Variants in DMBT1 observed in about 807,000 individuals in gnomAD.
The protein encoded by DMBT1 is deleted in malignant brain tumors 1.
Under a neutral mutation model 252.9 loss-of-function variants are expected in DMBT1, and 198 were observed. The ratio of observed to expected loss-of-function variants is 0.78; its 90% confidence interval spans 0.70 to 0.88. DMBT1 has a LOEUF of 0.88. Among genes scored for constraint, DMBT1 ranks in the 40% least tolerant of loss-of-function variants. DMBT1 has a pLI of 0.00. For missense variants in DMBT1, 2,432 were observed against 2,404.7 expected, an observed-to-expected ratio of 1.01 and a Z score of -0.24; for synonymous variants, 990 against 942.7, an observed-to-expected ratio of 1.05 and a Z score of -0.92.
At position 122,620,215 on chromosome 10, in the gene DMBT1, A is replaced by G. The variant is rs758350825; in HGVS notation, c.5246-38A>G. 2.1e-5 allele frequency: 33 copies of G among 1,609,700 alleles called. No individual in the cohort carries two copies. In the East Asian group the frequency reaches 4.9e-4, roughly 24 times the overall value. On this transcript the variant is annotated intron_variant, in intron 42 of 55. Transcript: ENST00000338354. ...TTTTTTTTGTAGCTTTCCTCCCTCA[A>G]GTCTAATTTTGTCCTTTCTCTTTGT...
intron 52 of DMBT1, among the ~76,000 whole-genome samples, chr10:122,635,237 A>T (rs551127460): frequency 6.6e-6 from 1 of 152,234 alleles, no homozygotes; most frequent in Non-Finnish European, 1.5e-5. Context: ...GCCTTTGTAA[A>T]TAGGAAAAGC....
intron 6 of DMBT1, among the ~76,000 whole-genome samples, chr10:122,575,025 T>C (rs1172938394): frequency 1.3e-5 from 2 of 152,198 alleles, no homozygotes; most frequent in East Asian, 3.9e-4. Flanking sequence ...CAGCACTCAG[T>C]CAGCTCCTGT....
rs2097788159 is a variant in DMBT1 at position 122,586,227 on chromosome 10, G to A, written c.1627G>A (p.Ala543Thr). ...RQLGCGWAML[A>T]PGNARFGQGS... ...GCTGGGCTGTGGCTGGGCCATGTTG[G>A]CCCCAGGAAATGCCCGGTTTGGTCA... Residue 543 changes from alanine to threonine, a missense_variant, in exon 16 of 56, where the codon GCC becomes ACC. This residue lies in a region of DMBT1 where 1,264 missense variants were observed against 1,082.2 expected (regional missense o/e 1.17). Coordinates refer to ENST00000338354, the MANE Select transcript of DMBT1 (RefSeq NM_001377530.1). 1 of 1,588,812 alleles carries A rather than the reference G, an allele frequency of 6.3e-7. No homozygotes were observed. The highest frequency in any genetic ancestry group is 1.3e-5 in the African/African-American group (1 of 74,510).
Position 122,643,565 on chromosome 10 carries a change from T to A in DMBT1, c.*167T>A. On this transcript the variant is annotated 3_prime_UTR_variant, in exon 56 of 56. Transcript: ENST00000338354. Reference sequence around the variant, plus strand: ...TGGTTCCCGCCTCCCCCAAGGCTCATGGTCCTTGGAGGACCCGTTGCAGGG... The same window carrying A: ...TGGTTCCCGCCTCCCCCAAGGCTCAAGGTCCTTGGAGGACCCGTTGCAGGG... 1 of 1,039,482 alleles carries A rather than the reference T, an allele frequency of 9.6e-7. No individual in the cohort carries two copies. 64.4% of individuals were successfully genotyped at this position (1,039,482 alleles called of 1,614,324 possible).
intron 43 of DMBT1, 80 bp downstream of exon 43, chr10:122,620,371 G>T: frequency 6.6e-7 from 1 of 1,519,280 alleles, no homozygotes; most frequent in South Asian, 1.2e-5. Context: ...AAAGAATGAG[G>T]CTCAAGCTGG....
rs181342162 is a variant in DMBT1, at chr10:122,592,065, A to G, written c.2177-207A>G. Among the ~76,000 whole-genome samples the G allele has an allele frequency of 1.4e-3, 209 of 148,562 alleles. 22 individuals are homozygous for G. Among genetic ancestry groups the G allele is most frequent in the Non-Finnish European group, 2.5e-3 (165 of 66,692 alleles). ...CACTGGGGTCACAGGCGCTTTCCCA[A>G]AATCTGAGCCTCCATAAACCCAGGC... is the stretch of plus-strand genomic sequence containing the variant. On this transcript the variant is annotated intron_variant, in intron 19 of 55. Transcript: ENST00000338354.
rs371698033 is a variant in DMBT1 at position 122,572,308 on chromosome 10, C to A, written c.188-6C>A. 29 of 1,613,190 alleles carry A rather than the reference C, an allele frequency of 1.8e-5. No individual in the cohort carries two copies. The highest frequency in any genetic ancestry group is 2.3e-5 in the Non-Finnish European group (27 of 1,179,414). On this transcript the variant is annotated splice_polypyrimidine_tract_variant and splice_region_variant and intron_variant, in intron 4 of 55. Transcript: ENST00000338354. ...TCAATGAGCTCTTCCTTTCTCCACC[C>A]TGCAGGTTCTCCGATTTCCTTGGAG...
intron 16 of DMBT1, among the ~76,000 whole-genome samples, chr10:122,586,619 G>A (rs1168157609): frequency 6.7e-6 from 1 of 148,494 alleles, no homozygotes; most frequent in African/African-American, 2.4e-5. Flanking sequence ...CCCCTACTGA[G>A]GCAGCGCAAG....
rs150483345 is a variant in DMBT1, at chr10:122,564,852, A to G, written c.62-1115A>G. Among the ~76,000 whole-genome samples the G allele has an allele frequency of 2.4e-3, 358 of 152,292 alleles. 1 individual carries two copies. Among genetic ancestry groups the G allele is most frequent in the African/African-American group, 8.3e-3 (343 of 41,570 alleles). Reference sequence around the variant, plus strand: ...TTGTACAATCAATTCTACCATTATTAGTATCTGGAGTGCTATATCTTGTCT... The same window carrying G: ...TTGTACAATCAATTCTACCATTATTGGTATCTGGAGTGCTATATCTTGTCT... On this transcript the variant is annotated intron_variant, in intron 1 of 55. Coordinates refer to ENST00000338354, the MANE Select transcript of DMBT1 (RefSeq NM_001377530.1).
rs976953669 is a variant in DMBT1 at position 122,579,861 on chromosome 10, C to T, written c.963C>T (p.His321=). 1.2e-6 allele frequency: 2 copies of T among 1,613,840 alleles called. No individual in the cohort carries two copies. Among genetic ancestry groups the T allele is most frequent in the East Asian group, 2.2e-5 (1 of 44,874 alleles). ...WSCPHNGWLT[H]NCGHSEDAGV... is the part of the protein sequence containing the mutation. ...GCCCCCACAATGGCTGGCTCACCCA[C>T]AACTGTGGCCATAGTGAAGACGCTG... The change falls in exon 10 of 56, where the codon CAC becomes CAT. Residue 321 remains histidine (H), a synonymous_variant. Transcript: ENST00000338354.
intron 55 of DMBT1, 61 bp from the exon 56 acceptor site, chr10:122,643,061 C>T: frequency 6.3e-7 from 1 of 1,580,308 alleles, no homozygotes. Context: ...CCTGGTACAA[C>T]TGAGTCATGA....
chr10:122,570,118 A>C (rs953206550), intron 2 of DMBT1, 44 bp from the exon 3 acceptor site: 1 of 1,542,658 alleles, frequency 6.5e-7, no homozygotes, highest in Non-Finnish European at 9.0e-7. Context: ...GCCCTCCCCA[A>C]GCAAGGGCTA....
chr10:122,634,833 C>T (rs556019678), intron 52 of DMBT1, among the ~76,000 whole-genome samples: 7 of 152,216 alleles, frequency 4.6e-5, no homozygotes, highest in Non-Finnish European at 7.3e-5. Context: ...TCCAAGGAGG[C>T]GGGTGGCCCA....
At chr10:122,635,181 G>T (rs921547048) in intron 52 of DMBT1, among the ~76,000 whole-genome samples, 2 of 152,176 alleles carry the variant, frequency 1.3e-5, no homozygotes, top group African/African-American at 4.8e-5. Flanking sequence ...TGTTTTATTT[G>T]AGCTTCACCA....
At chr10:122,629,168 G>C (rs1395089258) in intron 46 of DMBT1, among the ~76,000 whole-genome samples, 1 of 152,134 alleles carries the variant, frequency 6.6e-6, no homozygotes, top group Non-Finnish European at 1.5e-5. Context: ...TATAGACATA[G>C]AAACCTATCT....
At chr10:122,631,983 G>A (rs1418432549) in intron 50 of DMBT1, 108 bp downstream of exon 50, 99 of 1,288,678 alleles carry the variant, frequency 7.7e-5, no homozygotes, top group Non-Finnish European at 1.0e-4. Context: ...GTTCATCTGT[G>A]GTACCATCCT....
Position 122,631,307 on chromosome 10 carries a change from C to T in DMBT1, c.6346+26C>T, listed in dbSNP as rs770288963. On this transcript the variant is annotated intron_variant, in intron 49 of 55. Coordinates refer to ENST00000338354, the MANE Select transcript of DMBT1 (RefSeq NM_001377530.1). Reference sequence around the variant, plus strand: ...GTATGGCCCAATGCCATGGAAGGCCCATTTCACCTGTAACTTGCTATAAAG... The same window carrying T: ...GTATGGCCCAATGCCATGGAAGGCCTATTTCACCTGTAACTTGCTATAAAG... 5.6e-6 allele frequency: 9 copies of T among 1,604,836 alleles called. No homozygotes were observed. The East Asian group carries it at 2.0e-4, about 36-fold the overall frequency.
rs1342803832 is a variant in DMBT1 at position 122,637,135 on chromosome 10, C to G, written c.6765C>G (p.Leu2255=). 3 of 1,613,656 alleles carry G rather than the reference C, an allele frequency of 1.9e-6. No individual in the cohort carries two copies. The highest frequency in any genetic ancestry group is 1.7e-5 in the Admixed American group (1 of 60,008). ...TCTGTCCTTGTCTATCAGACCTGCTCTGTCTGCCAAATCACATGCAAGCCA... is the reference window on the plus strand; with the variant it reads ...TCTGTCCTTGTCTATCAGACCTGCTGTGTCTGCCAAATCACATGCAAGCCA... ...SSPSNDSTNL[L]CLPNHMQASV... is the part of the protein sequence containing the mutation. Residue 2255 remains leucine (L), a synonymous_variant, in exon 54 of 56, where the codon CTC becomes CTG. Transcript: ENST00000338354.
Position 122,631,098 on chromosome 10 carries a change from C to A in DMBT1, c.6163C>A (p.Gln2055Lys). The change falls in exon 49 of 56, where the codon CAG (glutamine) becomes AAG (lysine). Residue 2055 changes from glutamine (Q) to lysine (K), a missense_variant. Around this residue, in one of 3 missense-constraint regions of DMBT1, gnomAD observed 1,162 missense variants for 1,169.0 expected, o/e 0.99. Transcript: ENST00000338354. ...TCAGGAAGCTGAGGTGGTCTGCAGACAGCTAGGGTGTGGACGTGCAGTTTC... is the reference window on the plus strand; with the variant it reads ...TCAGGAAGCTGAGGTGGTCTGCAGAAAGCTAGGGTGTGGACGTGCAGTTTC... ...TIQEAEVVCR[Q>K]LGCGRAVSAL... 10 of 1,613,986 alleles carry A rather than the reference C, an allele frequency of 6.2e-6. No individual in the cohort carries two copies. The highest frequency in any genetic ancestry group is 8.5e-6 in the Non-Finnish European group (10 of 1,179,898).
Sources: allele counts gnomAD v4.1 joint callset (sites outside exome capture counted in the v4.1 genomes callset), GRCh38; gene constraint gnomAD v4.1.1; regional missense constraint gnomAD v4.1.1; transcripts MANE v1.5; gene names NCBI Gene and HGNC (gene_info 2026-07-23, HGNC 2026-07-21).